Variants in CAMTA1 observed in about 807,000 individuals in gnomAD.
The protein encoded by CAMTA1 is calmodulin-binding transcription activator 1.
A neutral mutation model predicts 170.9 loss-of-function variants in CAMTA1; 27 were observed. The ratio of observed to expected loss-of-function variants is 0.16; its 90% CI spans 0.12 to 0.22. The LOEUF (loss-of-function observed/expected upper bound fraction) is 0.22, where lower values mean the gene tolerates loss of function less well. CAMTA1 is among the 10% of genes least tolerant of loss of function. The pLI is 1.00. For missense variants in CAMTA1, 1,619 were observed against 2,217.2 expected (o/e 0.73, Z 5.42); for synonymous variants, 833 against 891.5 (o/e 0.93, Z 1.17).
At chr1:6,924,550 G>A (rs1433191373) in intron 3 of CAMTA1, among the ~76,000 whole-genome samples, 2 of 152,138 alleles carry the variant, frequency 1.3e-5, no homozygotes, top group Non-Finnish European at 2.9e-5. Context: ...ACTGAGTGTC[G>A]ACTCTGCCTT....
intron 11 of CAMTA1, among the ~76,000 whole-genome samples, chr1:7,702,597 G>C (rs924564354): frequency 1.3e-5 from 2 of 152,180 alleles, no homozygotes; most frequent in Non-Finnish European, 2.9e-5. Context: ...CGCCAGCACT[G>C]TGCAAGCTGC....
chr1:7,444,880 T>A (rs981515945), intron 5 of CAMTA1, among the ~76,000 whole-genome samples: 8 of 152,218 alleles, frequency 5.3e-5, no homozygotes, highest in Non-Finnish European at 1.2e-4. Flanking sequence ...ACCTACTGTA[T>A]GCCAGGAACC....
chr1:6,806,137 G>A (rs949559123), intron 1 of CAMTA1, among the ~76,000 whole-genome samples: 21 of 152,186 alleles, frequency 1.4e-4, no homozygotes, highest in African/African-American at 4.8e-4. Flanking sequence ...TCACTGAAGT[G>A]TCTTGGCACC....
chr1:7,526,411 G>A (rs553313144), intron 6 of CAMTA1, among the ~76,000 whole-genome samples: 18 of 151,892 alleles, frequency 1.2e-4, no homozygotes, highest in South Asian at 2.1e-4. Context: ...CAGTCTGCAC[G>A]GACTGGACAG....
At chr1:7,153,111 G>C (rs918648810) in intron 4 of CAMTA1, among the ~76,000 whole-genome samples, 2 of 152,152 alleles carry the variant, frequency 1.3e-5, no homozygotes, top group African/African-American at 4.8e-5. Context: ...TCAGACTTCT[G>C]CCATGGGAAG....
intron 4 of CAMTA1, among the ~76,000 whole-genome samples, chr1:7,169,686 A>G (rs181650810): frequency 9.2e-5 from 14 of 151,964 alleles, no homozygotes; most frequent in African/African-American, 3.4e-4. Context: ...TGATTTTTGT[A>G]TTTTCAGTAG....
At chr1:7,104,449 T>C (rs559099677) in intron 4 of CAMTA1, among the ~76,000 whole-genome samples, 40 of 152,286 alleles carry the variant, frequency 2.6e-4, no homozygotes, top group African/African-American at 9.4e-4. Context: ...ATTTTTGACT[T>C]ATCCTTGTCC....
At chr1:7,508,056 G>A (rs755760194) in intron 6 of CAMTA1, among the ~76,000 whole-genome samples, 6 of 152,376 alleles carry the variant, frequency 3.9e-5, no homozygotes, top group East Asian at 1.9e-4. Context: ...AACAGGGAGC[G>A]AAGCCCTCGC....
intron 11 of CAMTA1, chr1:7,694,148 C>A (rs2096349351): frequency 6.6e-6 from 1 of 152,258 alleles, no homozygotes. Flanking sequence ...CTTGCTTGCA[C>A]CTGCTTCCCC....
chr1:7,124,195 C>G (rs533322673), intron 4 of CAMTA1, among the ~76,000 whole-genome samples: 1 of 152,142 alleles, frequency 6.6e-6, no homozygotes, highest in Non-Finnish European at 1.5e-5. Flanking sequence ...TGGCAACAAG[C>G]TGTTCTGGCT....
intron 4 of CAMTA1, among the ~76,000 whole-genome samples, chr1:7,138,515 A>G (rs370251066): frequency 1.3e-5 from 2 of 152,370 alleles, no homozygotes; most frequent in South Asian, 2.1e-4. Context: ...ACAGAAATGC[A>G]TAATAAAAAG....
chr1:7,550,098 G>A (rs933410976), intron 6 of CAMTA1, among the ~76,000 whole-genome samples: 10 of 152,074 alleles, frequency 6.6e-5, no homozygotes, highest in Non-Finnish European at 1.3e-4. Flanking sequence ...GTGGAGGAGA[G>A]GGTGAGTTTC....
chr1:7,591,691 C>T (rs181547508), intron 6 of CAMTA1, among the ~76,000 whole-genome samples: 7 of 152,278 alleles, frequency 4.6e-5, no homozygotes, highest in African/African-American at 1.7e-4. Flanking sequence ...GGCCAGAATG[C>T]GCCCTGCACT....
chr1:7,497,663 G>C (rs1575626111), intron 6 of CAMTA1, among the ~76,000 whole-genome samples: 1 of 152,286 alleles, frequency 6.6e-6, no homozygotes, highest in Admixed American at 6.5e-5. Context: ...ATTTTTCACT[G>C]CACCTTCTCT....
intron 6 of CAMTA1, among the ~76,000 whole-genome samples, chr1:7,496,253 A>G (rs933036604): frequency 1.3e-5 from 2 of 152,228 alleles, no homozygotes; most frequent in South Asian, 2.1e-4. Flanking sequence ...GGAGAGGGAA[A>G]GAAGTGTGTG....
Position 7,561,454 on chromosome 1 carries a change from C to G in CAMTA1, c.511-78946C>G, listed in dbSNP as rs949355653. ...TGGCCCCTGAGGGCATGGGACTCTC[C>G]CTGCTGGGCACACCCCAGCGGCACC... On this transcript the variant is annotated intron_variant, in intron 6 of 22. Transcript: ENST00000303635. The surrounding 1 kb of genome is among the most constrained non-coding windows in gnomAD (Gnocchi z 5.3). Among the ~76,000 whole-genome samples, 4 of 151,816 alleles carry G rather than the reference C, an allele frequency of 2.6e-5. No individual in the cohort carries two copies. The highest frequency in any genetic ancestry group is 9.7e-5 in the African/African-American group (4 of 41,330).
At chr1:7,629,024 T>G (rs2095651363) in intron 6 of CAMTA1, among the ~76,000 whole-genome samples, 1 of 152,222 alleles carries the variant, frequency 6.6e-6, no homozygotes, top group Non-Finnish European at 1.5e-5. Context: ...AGGAGTTCCC[T>G]GTGCCCCTGC....
Position 7,071,257 on chromosome 1 carries a change from T to C in CAMTA1, c.235-20047T>C, listed in dbSNP as rs973594635. Among the ~76,000 whole-genome samples, 3 of 152,200 alleles carry C rather than the reference T, an allele frequency of 2.0e-5. No homozygotes were observed. In the South Asian group the frequency reaches 6.2e-4, roughly 32 times the overall value. On this transcript the variant is annotated intron_variant, in intron 3 of 22. Coordinates refer to ENST00000303635, the MANE Select transcript of CAMTA1 (RefSeq NM_015215.4). The stretch of plus-strand genomic sequence containing the variant: ...ATTTGTAATCTTGAGCTAGAACAAC[T>C]GACAAATGGCCTGATAGGTGACAAA...
intron 3 of CAMTA1, among the ~76,000 whole-genome samples, chr1:7,083,519 A>G (rs1310700749): frequency 6.6e-6 from 1 of 152,212 alleles, no homozygotes; most frequent in African/African-American, 2.4e-5. Context: ...GGACAGGGAC[A>G]GGAATGTTCA....
Sources: gnomAD v4.1 joint callset for allele counts (sites outside exome capture counted in the v4.1 genomes callset) on GRCh38, gnomAD v4.1.1 for gene constraint, Gnocchi (gnomAD v3.1) non-coding constraint, MANE v1.5 for transcripts, NCBI Gene and HGNC (gene_info 2026-07-23, HGNC 2026-07-21) for gene names.